Variants in SCAPER observed in about 807,000 individuals in gnomAD.
SCAPER encodes S-phase cyclin A associated protein in the ER.
A neutral mutation model predicts 182.2 loss-of-function variants in SCAPER; 98 were observed. The ratio of observed to expected loss-of-function variants is 0.54; its 90% CI spans 0.46 to 0.64. The LOEUF (loss-of-function observed/expected upper bound fraction) is 0.64, where lower values mean the gene tolerates loss of function less well. SCAPER is among the 30% of genes least tolerant of loss of function. SCAPER has a pLI of 0.00. For missense variants in SCAPER, 1,432 were observed against 1,690.0 expected, an observed-to-expected ratio of 0.85 and a Z score of 2.68; for synonymous variants, 605 against 564.6, an observed-to-expected ratio of 1.07 and a Z score of -1.01.
intron 8 of SCAPER, among the ~76,000 whole-genome samples, chr15:76,779,053 G>T (rs35374222): frequency 0.27 from 41,426 of 151,746 alleles, 6,430 homozygotes; most frequent in East Asian, 0.55. Context: ...ATAGGATATA[G>T]GATATAGGAT....
chr15:76,539,695 G>A (rs1464069538), intron 23 of SCAPER, among the ~76,000 whole-genome samples: 4 of 151,838 alleles, frequency 2.6e-5, no homozygotes, highest in African/African-American at 4.8e-5. Context: ...ACAGGCGCCC[G>A]CCACCTCACC....
chr15:76,789,455 C>T lies in SCAPER; in HGVS notation c.772+5825G>A, dbSNP rs568598295. Among the ~76,000 whole-genome samples, 485 of 152,172 alleles carry T rather than the reference C, an allele frequency of 3.2e-3. 5 individuals are homozygous for T. The highest frequency in any genetic ancestry group is 0.011 in the African/African-American group (463 of 41,544). On this transcript the variant is annotated intron_variant, in intron 8 of 31. Transcript: ENST00000563290. ...GAAAGAAATGCTGCTTAAAATTGGA[C>T]CTAATCTTTTAACCAATAAAATTGC... is the stretch of plus-strand genomic sequence containing the variant.
rs950778452 is a variant in SCAPER, at chr15:76,708,488, A to G, written c.2166-2504T>C. Reference sequence around the variant, plus strand: ...GCAGGAAAAAAAAAGAAAAAACAAAAAAGAAAAAAGATTAAATACATACAT... The same window carrying G: ...GCAGGAAAAAAAAAGAAAAAACAAAGAAGAAAAAAGATTAAATACATACAT... On this transcript the variant is annotated intron_variant, in intron 17 of 31. Transcript: ENST00000563290. 1.1e-4 allele frequency among the ~76,000 whole-genome samples: 16 copies of G among 152,114 alleles called. 1 individual carries two copies. Among genetic ancestry groups the G allele is most frequent in the Admixed American group, 9.2e-4 (14 of 15,268 alleles).
At chr15:76,682,360 G>C (rs76130524) in intron 20 of SCAPER, among the ~76,000 whole-genome samples, 2 of 150,952 alleles carry the variant, frequency 1.3e-5, no homozygotes, top group Non-Finnish European at 2.9e-5. Context: ...AGCTGAAAGG[G>C]AGGTACCCAG....
intron 5 of SCAPER, among the ~76,000 whole-genome samples, chr15:76,838,340 C>T (rs1032515164): frequency 6.6e-6 from 1 of 152,074 alleles, no homozygotes; most frequent in African/African-American, 2.4e-5. Context: ...TAAGTGGGAG[C>T]TAAAGATTGA....
intron 10 of SCAPER, 21 bp downstream of exon 10, chr15:76,771,721 T>C: frequency 1.3e-6 from 2 of 1,590,140 alleles, no homozygotes; most frequent in East Asian, 2.2e-5. Flanking sequence ...AAGTTGTTCT[T>C]ACCAAGTTAG....
At chr15:76,691,345 T>C (rs1598186456) in intron 20 of SCAPER, among the ~76,000 whole-genome samples, 1 of 152,094 alleles carries the variant, frequency 6.6e-6, no homozygotes, top group South Asian at 2.1e-4. Flanking sequence ...TAGACAAACA[T>C]TCAAGTCCCT....
At chr15:76,662,632 A>T (rs2056283941) in intron 21 of SCAPER, among the ~76,000 whole-genome samples, 2 of 152,178 alleles carry the variant, frequency 1.3e-5, no homozygotes, top group Non-Finnish European at 2.9e-5. Context: ...ATAGAAACTT[A>T]GACATCAATG....
intron 4 of SCAPER, among the ~76,000 whole-genome samples, chr15:76,843,181 T>C (rs2069654589): frequency 6.6e-6 from 1 of 152,212 alleles, no homozygotes; most frequent in Non-Finnish European, 1.5e-5. Context: ...CATTCAAATA[T>C]TTTACCATCC....
chr15:76,425,674 T>C (rs1278353716), intron 26 of SCAPER, among the ~76,000 whole-genome samples: 1 of 152,236 alleles, frequency 6.6e-6, no homozygotes, highest in African/African-American at 2.4e-5. Flanking sequence ...TGCGTTCCTT[T>C]GGAGGGTGAG....
intron 25 of SCAPER, among the ~76,000 whole-genome samples, chr15:76,446,950 C>T (rs1201094655): frequency 2.0e-5 from 3 of 152,172 alleles, no homozygotes; most frequent in African/African-American, 7.2e-5. Flanking sequence ...ATGAGACGTT[C>T]AACACTTCAT....
At chr15:76,894,826 A>C (rs758469737) in intron 1 of SCAPER, among the ~76,000 whole-genome samples, 25 of 152,296 alleles carry the variant, frequency 1.6e-4, no homozygotes, top group Admixed American at 3.3e-4. Context: ...ACCTACCAAG[A>C]CTGAATCATG....
intron 10 of SCAPER, among the ~76,000 whole-genome samples, chr15:76,768,807 T>C (rs3102710): frequency 0.18 from 23,140 of 126,848 alleles, 2,004 homozygotes; most frequent in African/African-American, 0.27. Context: ...ATCAACAAAA[T>C]TGATCTAGGT....
intron 17 of SCAPER, among the ~76,000 whole-genome samples, chr15:76,724,706 C>T (rs145184302): frequency 0.018 from 2,797 of 152,164 alleles, 35 homozygotes; most frequent in Non-Finnish European, 0.028. Context: ...CCTTTCTTCC[C>T]GTTGATCACA....
At chr15:76,727,433 A>G (rs1220434261) in intron 17 of SCAPER, among the ~76,000 whole-genome samples, 1 of 152,086 alleles carries the variant, frequency 6.6e-6, no homozygotes, top group African/African-American at 2.4e-5. Flanking sequence ...CCACGAGCAG[A>G]CCCACACATA....
intron 14 of SCAPER, among the ~76,000 whole-genome samples, chr15:76,760,374 A>G (rs929681348): frequency 4.6e-5 from 7 of 152,360 alleles, no homozygotes; most frequent in Middle Eastern, 3.4e-3. Flanking sequence ...CTTTTAAAGG[A>G]TGCAGATAAA....
chr15:76,785,978 A>T (rs1032785821), intron 8 of SCAPER, among the ~76,000 whole-genome samples: 2 of 152,142 alleles, frequency 1.3e-5, no homozygotes, highest in Non-Finnish European at 2.9e-5. Flanking sequence ...ATACCTGTGT[A>T]ACAAACCTGC....
intron 24 of SCAPER, among the ~76,000 whole-genome samples, chr15:76,493,202 A>G (rs767739573): frequency 5.9e-5 from 9 of 152,228 alleles, no homozygotes; most frequent in Non-Finnish European, 1.3e-4. Flanking sequence ...TCAAGTCAAT[A>G]TAACAATCAC....
chr15:76,404,725 C>G, intron 26 of SCAPER, 46 bp from the exon 27 acceptor site: 1 of 1,565,930 alleles, frequency 6.4e-7, no homozygotes, highest in Non-Finnish European at 8.7e-7. Context: ...AATAGGCCAG[C>G]AACATCTTCA....
Sources: allele counts gnomAD v4.1 joint callset (sites outside exome capture counted in the v4.1 genomes callset), GRCh38; gene constraint gnomAD v4.1.1; transcripts MANE v1.5; gene names NCBI Gene and HGNC (gene_info 2026-07-23, HGNC 2026-07-21).